FAM117B: variants seen among roughly 807,000 people sequenced by gnomAD.
FAM117B encodes family with sequence similarity 117 member B.
FAM117B carries 22 observed loss-of-function variants against 52.8 expected under a neutral mutation model. The ratio of observed to expected loss-of-function variants is 0.42; its 90% CI spans 0.30 to 0.59. The LOEUF is 0.59. Ranked by LOEUF, FAM117B falls within the 20% of genes least tolerant of loss-of-function variation. The pLI is 0.22. For missense variants in FAM117B, 678 were observed against 802.6 expected (o/e 0.84, Z 1.88); for synonymous variants, 309 against 324.1 (o/e 0.95, Z 0.50).
At chr2:202,738,833 AT>A (rs1468295785) in intron 4 of FAM117B, among the ~76,000 whole-genome samples, 1 of 152,244 alleles carries the variant, frequency 6.6e-6, no homozygotes, top group Non-Finnish European at 1.5e-5. Context: ...CCTAGCACAT[AT>A]TAAGTGCTTA....
intron 7 of FAM117B, 99 bp from the exon 8 acceptor site, chr2:202,765,345 CTG>C (rs1691958887): frequency 3.5e-6 from 4 of 1,152,924 alleles, no homozygotes; most frequent in South Asian, 1.6e-5. Context: ...TGTAAGTTAA[CTG>C]TTTTTAAAAA....
At chr2:202,651,403 A>C (rs1689957027) in intron 1 of FAM117B, among the ~76,000 whole-genome samples, 2 of 137,176 alleles carry the variant, frequency 1.5e-5, no homozygotes, top group Non-Finnish European at 3.1e-5. Context: ...ATGGAGTTTC[A>C]CTCTTGTTGC....
At position 202,635,212 on chromosome 2, in the gene FAM117B, G is replaced by GGGT; in HGVS notation, c.26_28dup (p.Gly9_Ser10insTrp). On this transcript the variant is annotated inframe_insertion, in exon 1 of 8. Transcript: ENST00000392238. The stretch of plus-strand genomic sequence containing the variant: ...CATGTCCCAGCGGGTGAGGCGCAAT[G>GGGT]GGTCCCCCACGCCGGCCGGCTCCCT... 7.7e-7 allele frequency: 1 copy of GGGT among 1,300,226 alleles called. No homozygotes were observed. The highest frequency in any genetic ancestry group is 9.8e-7 in the Non-Finnish European group (1 of 1,022,760). The allele number at this position is 1,300,226 out of a possible 1,614,324, so 80.5% of individuals were successfully genotyped here.
intron 1 of FAM117B, among the ~76,000 whole-genome samples, chr2:202,677,567 G>A (rs569877794): frequency 5.3e-5 from 8 of 152,278 alleles, no homozygotes; most frequent in African/African-American, 1.9e-4. Flanking sequence ...GCCTTCTAAC[G>A]TGTAGTGGTT....
In FAM117B at chr2:202,702,821, G is replaced by A. The variant is rs146315182; in HGVS notation, c.753+6789G>A. Among the ~76,000 whole-genome samples the A allele has an allele frequency of 9.5e-3, 1,448 of 152,192 alleles. 20 individuals are homozygous for A. Among genetic ancestry groups the A allele is most frequent in the African/African-American group, 0.033 (1,363 of 41,526 alleles). On this transcript the variant is annotated intron_variant, in intron 2 of 7. Coordinates refer to ENST00000392238, the MANE Select transcript of FAM117B (RefSeq NM_173511.4). ...ATCTGCCTCGGCCTCCCAAAGTGCTGGGATTACAGGTGTGAGCCACTGCGC... is the reference window on the plus strand; with the variant it reads ...ATCTGCCTCGGCCTCCCAAAGTGCTAGGATTACAGGTGTGAGCCACTGCGC...
chr2:202,716,047 G>T (rs1018959873), intron 2 of FAM117B, among the ~76,000 whole-genome samples: 6 of 151,970 alleles, frequency 3.9e-5, no homozygotes, highest in African/African-American at 1.4e-4. Context: ...GTCCAGCTTT[G>T]GCTCGGCATC....
intron 4 of FAM117B, among the ~76,000 whole-genome samples, chr2:202,737,484 C>T (rs7602496): frequency 2.6e-5 from 4 of 151,990 alleles, no homozygotes; most frequent in Non-Finnish European, 4.4e-5. Context: ...CTCTAACCCT[C>T]TCTTTTTGGG....
chr2:202,665,498 G>C (rs1378380171), intron 1 of FAM117B, among the ~76,000 whole-genome samples: 1 of 152,120 alleles, frequency 6.6e-6, no homozygotes, highest in Non-Finnish European at 1.5e-5. Context: ...TAACTGATTA[G>C]CAACCTTAAT....
chr2:202,635,414 C>T lies in FAM117B; in HGVS notation c.227C>T (p.Pro76Leu). Residue 76 changes from proline to leucine, a missense_variant, in exon 1 of 8, where the codon CCC becomes CTC. Physicochemically the swap from Pro to Leu is moderately conservative, Grantham distance 98. This residue lies in a region of FAM117B where 583 missense variants were observed against 644.8 expected (regional missense o/e 0.90). Coordinates refer to ENST00000392238, the MANE Select transcript of FAM117B (RefSeq NM_173511.4). ...GGCTGCTGTGGTGGCGCCTCAGGCC[C>T]CGCAGGCGGCGGCGGCGGCGGTGGC... ...NGGCCGGASGPAGGGGGGGPR... is the reference protein window; with the variant it reads ...NGGCCGGASGLAGGGGGGGPR... 8.0e-7 allele frequency: 1 copy of T among 1,245,694 alleles called. No individual in the cohort carries two copies. Among genetic ancestry groups the T allele is most frequent in the Non-Finnish European group, 1.0e-6 (1 of 1,002,316 alleles). The allele number at this position is 1,245,694 out of a possible 1,614,324, so 77.2% of individuals were successfully genotyped here. A position where few individuals can be genotyped will look rare whatever the true frequency, so the allele number is the denominator to read the frequency against.
intron 1 of FAM117B, among the ~76,000 whole-genome samples, chr2:202,672,264 G>A (rs1268531200): frequency 6.6e-6 from 1 of 152,222 alleles, no homozygotes; most frequent in Non-Finnish European, 1.5e-5. Context: ...CCAGGCTGGA[G>A]TGCAGTGGCA....
intron 7 of FAM117B, 148 bp downstream of exon 7, chr2:202,759,501 C>T (rs1438284109): frequency 3.6e-5 from 36 of 999,396 alleles, no homozygotes; most frequent in Non-Finnish European, 4.8e-5. Flanking sequence ...AAGTTATCTT[C>T]CCACCTCAAC....
chr2:202,722,007 A>T (rs1002055230), intron 2 of FAM117B, among the ~76,000 whole-genome samples: 4 of 128,600 alleles, frequency 3.1e-5, no homozygotes, highest in Non-Finnish European at 6.5e-5. Context: ...TAAAGATACA[A>T]TTTTTTTTTT....
intron 7 of FAM117B, among the ~76,000 whole-genome samples, chr2:202,759,977 A>T (rs1691860132): frequency 6.6e-6 from 1 of 152,226 alleles, no homozygotes; most frequent in Non-Finnish European, 1.5e-5. Context: ...CTGGGATTGC[A>T]GGCATGAGCC....
At chr2:202,666,144 A>G (rs564829048) in intron 1 of FAM117B, among the ~76,000 whole-genome samples, 2 of 152,304 alleles carry the variant, frequency 1.3e-5, no homozygotes, top group East Asian at 3.9e-4. Flanking sequence ...GTATTGTTAC[A>G]AAGCAAACCT....
At chr2:202,707,131 T>A (rs1290460397) in intron 2 of FAM117B, among the ~76,000 whole-genome samples, 1 of 152,130 alleles carries the variant, frequency 6.6e-6, no homozygotes, top group Non-Finnish European at 1.5e-5. Flanking sequence ...AGCCTTGACC[T>A]ATCATGATTA....
At chr2:202,744,848 G>T (rs1263420333) in intron 4 of FAM117B, among the ~76,000 whole-genome samples, 8 of 150,928 alleles carry the variant, frequency 5.3e-5, no homozygotes, top group Non-Finnish European at 1.0e-4. Flanking sequence ...ATGGTGGCAG[G>T]TTCCTGTAAT....
Position 202,724,912 on chromosome 2 carries a change from TACAG to T in FAM117B, c.755_758del. The T allele has an allele frequency of 5.7e-6, 9 of 1,592,884 alleles. No homozygotes were observed. The highest frequency in any genetic ancestry group is 1.7e-6 in the Non-Finnish European group (2 of 1,169,944). On this transcript the variant is annotated splice_acceptor_variant and splice_polypyrimidine_tract_variant and intron_variant, in intron 2 of 7. Transcript: ENST00000392238. LOFTEE classifies it high-confidence loss of function. ...AAATACACCTCCCCTCTTTTTTCAT[TACAG>T]ACAGAGAGTGCATGGGCTGAAGAAT...
At chr2:202,690,479 T>C (rs572361352) in intron 1 of FAM117B, among the ~76,000 whole-genome samples, 186 of 152,352 alleles carry the variant, frequency 1.2e-3, no homozygotes, top group African/African-American at 4.4e-3. Flanking sequence ...AATCATGCTC[T>C]GTACCGGAAC....
chr2:202,691,704 C>T (rs544086835), intron 1 of FAM117B, among the ~76,000 whole-genome samples: 30 of 126,122 alleles, frequency 2.4e-4, no homozygotes, highest in South Asian at 7.3e-4. Flanking sequence ...TGTGTGCGCG[C>T]GCGCCTCCCC....
Sources: allele counts gnomAD v4.1 joint callset (sites outside exome capture counted in the v4.1 genomes callset), GRCh38; gene constraint gnomAD v4.1.1; regional missense constraint gnomAD v4.1.1; transcripts MANE v1.5; gene names NCBI Gene and HGNC (gene_info 2026-07-23, HGNC 2026-07-21).